Variants in LTAP1 observed in about 807,000 individuals in gnomAD.
LTAP1 encodes HCV NS5A-transactivated protein 4.
At chr1:154,215,528 T>C in the LTAP1 span, among the ~76,000 whole-genome samples, 1 of 147,860 alleles carries the variant, frequency 6.8e-6, no homozygotes, top group African/African-American at 2.5e-5. Flanking sequence ...ATTGCGCCAC[T>C]GCACTCCAGC....
the LTAP1 span, chr1:154,214,042 C>A: frequency 1.8e-6 from 2 of 1,133,696 alleles, no homozygotes; most frequent in Non-Finnish European, 2.6e-6. Flanking sequence ...CTTTGGGAGG[C>A]TGAGGTGGGT....
chr1:154,212,433 T>A, the LTAP1 span: 4 of 1,614,060 alleles, frequency 2.5e-6, no homozygotes, highest in Non-Finnish European at 3.4e-6. Flanking sequence ...ATCTCTTTAG[T>A]GCCCCGAAGA....
chr1:154,220,033 C>CTGAGAGCCGGAATCTG, the LTAP1 span: 1 of 1,101,656 alleles, frequency 9.1e-7, no homozygotes, highest in Non-Finnish European at 1.3e-6. Context: ...CCCCAGATTC[C>CTGAGAGCCGGAATCTG]GGCTCTCAGG....
At chr1:154,207,632 C>G in the LTAP1 span, 1 of 1,607,210 alleles carries the variant, frequency 6.2e-7, no homozygotes, top group Non-Finnish European at 8.5e-7. Context: ...TGAGAGCTCC[C>G]AATTCGTGCT....
the LTAP1 span, chr1:154,212,693 C>A: frequency 1.2e-5 from 18 of 1,564,222 alleles, no homozygotes; most frequent in African/African-American, 2.0e-4. Flanking sequence ...TGGAGTCTCG[C>A]TCTGTCACCC....
the LTAP1 span, among the ~76,000 whole-genome samples, chr1:154,216,339 AATTT>A: frequency 3.8e-4 from 38 of 100,234 alleles, no homozygotes; most frequent in East Asian, 2.2e-3. Context: ...TTAAAAAAAA[AATTT>A]TTTTTTTTTG....
chr1:154,213,778 T>C, the LTAP1 span: 2 of 745,940 alleles, frequency 2.7e-6, no homozygotes, highest in Non-Finnish European at 2.2e-6. Flanking sequence ...TAGAATTTCC[T>C]ACTAGCCAGG....
At chr1:154,208,154 G>C in the LTAP1 span, among the ~76,000 whole-genome samples, 1 of 151,616 alleles carries the variant, frequency 6.6e-6, no homozygotes, top group East Asian at 1.9e-4. Context: ...TGTAATCCCA[G>C]CACTTCAGGA....
At chr1:154,217,697 T>C in the LTAP1 span, among the ~76,000 whole-genome samples, 4 of 151,870 alleles carry the variant, frequency 2.6e-5, no homozygotes, top group African/African-American at 9.7e-5. Context: ...TAGTAGAGAT[T>C]GGGTTTCACC....
At chr1:154,209,107 T>C in the LTAP1 span, among the ~76,000 whole-genome samples, 1 of 152,270 alleles carries the variant, frequency 6.6e-6, no homozygotes, top group South Asian at 2.1e-4. Context: ...ATTTACCATC[T>C]TAAGAATTTT....
chr1:154,220,442 A>T, the LTAP1 span: 1 of 1,613,546 alleles, frequency 6.2e-7, no homozygotes, highest in Admixed American at 1.7e-5. Flanking sequence ...GTTCGGGTTT[A>T]CCCCGCTGTC....
the LTAP1 span, chr1:154,213,934 T>C: frequency 6.2e-7 from 1 of 1,612,934 alleles, no homozygotes; most frequent in Non-Finnish European, 8.5e-7. Flanking sequence ...CCTATACAGA[T>C]AGTTGTAGCA....
At chr1:154,208,184 T>C in the LTAP1 span, among the ~76,000 whole-genome samples, 2 of 151,834 alleles carry the variant, frequency 1.3e-5, no homozygotes, top group Non-Finnish European at 2.9e-5. Context: ...CAGAGATCGC[T>C]TGAGCCCAGG....
At chr1:154,214,553 T>C in the LTAP1 span, 2 of 1,612,560 alleles carry the variant, frequency 1.2e-6, no homozygotes, top group African/African-American at 1.3e-5. Context: ...GAGAGTCGAA[T>C]ATCAATCTCC....
At chr1:154,219,947 A>G in the LTAP1 span, 4 of 1,580,574 alleles carry the variant, frequency 2.5e-6, no homozygotes, top group East Asian at 6.7e-5. Flanking sequence ...CCTGTCCAAA[A>G]AGATGTAAAA....
chr1:154,217,799 C>A, the LTAP1 span, among the ~76,000 whole-genome samples: 1 of 152,140 alleles, frequency 6.6e-6, no homozygotes, highest in African/African-American at 2.4e-5. Context: ...CATGAGCTAC[C>A]ATGCCCGGCC....
At chr1:154,218,783 G>C in the LTAP1 span, among the ~76,000 whole-genome samples, 2 of 152,250 alleles carry the variant, frequency 1.3e-5, no homozygotes, top group East Asian at 3.9e-4. Context: ...TGAAGCTTAC[G>C]GTCTAGCGGA....
the LTAP1 span, chr1:154,212,535 T>C: frequency 1.9e-6 from 3 of 1,614,176 alleles, no homozygotes; most frequent in Non-Finnish European, 2.5e-6. Context: ...TTGAAAGGCG[T>C]ACTAGTGTTT....
chr1:154,214,588 A>C, the LTAP1 span: 1 of 1,532,614 alleles, frequency 6.5e-7, no homozygotes. Context: ...TTCACATAAA[A>C]AAAGAATACA....
Sources: allele counts gnomAD v4.1 joint callset (sites outside exome capture counted in the v4.1 genomes callset), GRCh38; gene constraint gnomAD v4.1.1; transcripts MANE v1.5; gene names NCBI Gene and HGNC (gene_info 2026-07-23, HGNC 2026-07-21).